Variants in CADM2 observed in about 807,000 individuals in gnomAD.
CADM2 encodes immunoglobulin superfamily member 4D.
In CADM2, 12 loss-of-function variants were observed where a neutral mutation model predicts 49.8. The observed-to-expected ratio is 0.24, with a 90% CI of 0.15 to 0.39. The LOEUF is 0.39. Among genes scored for constraint, CADM2 ranks in the 10% least tolerant of loss-of-function variants. CADM2 has a pLI of 1.00. For missense variants in CADM2, 378 were observed against 492.3 expected, an observed-to-expected ratio of 0.77 and a Z score of 2.20; for synonymous variants, 214 against 175.4, an observed-to-expected ratio of 1.22 and a Z score of -1.74.
chr3:85,987,712 A>C (rs1321684676), intron 8 of CADM2, among the ~76,000 whole-genome samples: 1 of 146,330 alleles, frequency 6.8e-6, no homozygotes, highest in Non-Finnish European at 1.5e-5. Context: ...ATAATATATA[A>C]ATAATTAAAT....
chr3:85,270,229 T>G (rs2043209609), intron 1 of CADM2, among the ~76,000 whole-genome samples: 1 of 151,312 alleles, frequency 6.6e-6, no homozygotes, highest in Non-Finnish European at 1.5e-5. Context: ...ATTAAATACT[T>G]TATAAAATGG....
At chr3:85,403,015 A>G (rs2035193306) in intron 1 of CADM2, among the ~76,000 whole-genome samples, 1 of 152,174 alleles carries the variant, frequency 6.6e-6, no homozygotes, top group African/African-American at 2.4e-5. Flanking sequence ...GCCTCACGGT[A>G]AACATACCTG....
intron 3 of CADM2, among the ~76,000 whole-genome samples, chr3:85,847,957 A>G (rs1216674616): frequency 6.6e-6 from 1 of 152,112 alleles, no homozygotes; most frequent in Admixed American, 6.5e-5. Flanking sequence ...TTTATTAGTT[A>G]TTTGATAAAA....
At chr3:85,582,810 G>A (rs1345767180) in intron 1 of CADM2, among the ~76,000 whole-genome samples, 1 of 152,122 alleles carries the variant, frequency 6.6e-6, no homozygotes, top group African/African-American at 2.4e-5. Context: ...GGAAAGTATT[G>A]TACAAATGCT....
chr3:85,246,571 T>TG (rs1293832956), intron 1 of CADM2, among the ~76,000 whole-genome samples: 1 of 152,124 alleles, frequency 6.6e-6, no homozygotes, highest in Non-Finnish European at 1.5e-5. Flanking sequence ...TTATTTGATA[T>TG]GAAAAAAGAT....
intron 7 of CADM2, among the ~76,000 whole-genome samples, chr3:85,940,598 C>T (rs570657625): frequency 1.3e-5 from 2 of 152,036 alleles, no homozygotes; most frequent in South Asian, 4.1e-4. Flanking sequence ...TAATATATAG[C>T]AGTTGTTATT....
intron 1 of CADM2, among the ~76,000 whole-genome samples, chr3:85,363,104 C>T (rs958909527): frequency 3.9e-5 from 6 of 152,062 alleles, no homozygotes; most frequent in African/African-American, 1.2e-4. Context: ...ATGGAATCGC[C>T]GGGCTACACA....
At chr3:85,925,764 G>C (rs1719747622) in intron 6 of CADM2, among the ~76,000 whole-genome samples, 1 of 152,092 alleles carries the variant, frequency 6.6e-6, no homozygotes, top group African/African-American at 2.4e-5. Context: ...TCGTATCAAT[G>C]CATACAGCGC....
chr3:85,886,749 A>G (rs558964429), intron 5 of CADM2, among the ~76,000 whole-genome samples: 32 of 152,292 alleles, frequency 2.1e-4, no homozygotes, highest in African/African-American at 7.7e-4. Flanking sequence ...TTCTGAGAAT[A>G]AAACTGGTTA....
chr3:85,036,733 T>C (rs115252416), intron 1 of CADM2, among the ~76,000 whole-genome samples: 2,170 of 152,306 alleles, frequency 0.014, 47 homozygotes, highest in African/African-American at 0.05. Flanking sequence ...TTTAGTTATG[T>C]CTCTTATAAC....
At chr3:85,791,628 G>A (rs1041564680) in intron 2 of CADM2, among the ~76,000 whole-genome samples, 11 of 151,704 alleles carry the variant, frequency 7.3e-5, no homozygotes, top group African/African-American at 1.7e-4. Context: ...ATAGTTGAGG[G>A]GAAAAACTTA....
At chr3:85,914,484 A>G (rs1042985242) in intron 6 of CADM2, among the ~76,000 whole-genome samples, 2 of 152,210 alleles carry the variant, frequency 1.3e-5, no homozygotes, top group African/African-American at 2.4e-5. Context: ...ATATTTTTAA[A>G]GGACCAGGAT....
intron 1 of CADM2, among the ~76,000 whole-genome samples, chr3:85,527,844 A>G (rs992617913): frequency 3.3e-5 from 5 of 152,234 alleles, no homozygotes; most frequent in Non-Finnish European, 5.9e-5. Context: ...CTGAATCATT[A>G]TAACGAGGAT....
At chr3:85,061,603 T>TG (rs1409667620) in intron 1 of CADM2, among the ~76,000 whole-genome samples, 2 of 152,096 alleles carry the variant, frequency 1.3e-5, no homozygotes, top group Non-Finnish European at 2.9e-5. Context: ...GTGAACCAAT[T>TG]ACAGTTGACA....
intron 1 of CADM2, among the ~76,000 whole-genome samples, chr3:85,082,512 GC>G (rs1413167417): frequency 6.6e-6 from 1 of 152,056 alleles, no homozygotes; most frequent in Non-Finnish European, 1.5e-5. Context: ...AAAATGCAAA[GC>G]CCTTTGCTCT....
chr3:85,896,809 G>A (rs905675899), intron 5 of CADM2, among the ~76,000 whole-genome samples: 6 of 152,030 alleles, frequency 3.9e-5, no homozygotes, highest in Non-Finnish European at 7.4e-5. Context: ...TGCTTATATC[G>A]GCAGTTGGAG....
intron 1 of CADM2, among the ~76,000 whole-genome samples, chr3:85,531,101 G>A (rs990499591): frequency 6.6e-6 from 1 of 152,102 alleles, no homozygotes; most frequent in Non-Finnish European, 1.5e-5. Context: ...GTTTTTACCT[G>A]TGAACCCGAT....
At chr3:85,258,670 C>A (rs930714407) in intron 1 of CADM2, among the ~76,000 whole-genome samples, 9 of 152,156 alleles carry the variant, frequency 5.9e-5, no homozygotes, top group Admixed American at 2.6e-4. Flanking sequence ...ATAATGCTTT[C>A]TTTTTCTAAC....
chr3:85,330,468 A>G (rs969690997), intron 1 of CADM2, among the ~76,000 whole-genome samples: 1 of 152,186 alleles, frequency 6.6e-6, no homozygotes, highest in Non-Finnish European at 1.5e-5. Flanking sequence ...TTTTATTGCA[A>G]TGCTCCAACA....
Sources: allele counts gnomAD v4.1 joint callset (sites outside exome capture counted in the v4.1 genomes callset), GRCh38; gene constraint gnomAD v4.1.1; transcripts MANE v1.5; gene names NCBI Gene and HGNC (gene_info 2026-07-23, HGNC 2026-07-21).